Variants in NEMF observed in about 807,000 individuals in gnomAD.
NEMF encodes the protein ribosome quality control complex subunit NEMF.
A neutral mutation model predicts 162.2 loss-of-function variants in NEMF; 89 were observed. The observed-to-expected ratio is 0.55, with a 90% CI of 0.46 to 0.65. NEMF has a LOEUF of 0.65. Ranked by LOEUF, NEMF falls within the 30% of genes least tolerant of loss-of-function variation. The pLI, the probability that NEMF is intolerant of heterozygous loss-of-function variation, is 0.00. For synonymous variants in NEMF, 421 were observed against 404.5 expected, an observed-to-expected ratio of 1.04 and a Z score of -0.49; for missense variants, 1,133 against 1,261.9, an observed-to-expected ratio of 0.90 and a Z score of 1.55.
At chr14:49,784,894 T>C (rs1890089160) in intron 32 of NEMF, 31 bp downstream of exon 32, 1 of 1,568,680 alleles carries the variant, frequency 6.4e-7, no homozygotes, top group Admixed American at 1.7e-5. Context: ...ACTGTCAGTC[T>C]CCACATTCCT....
chr14:49,791,792 C>T (rs1422789442), intron 26 of NEMF, among the ~76,000 whole-genome samples: 2 of 150,012 alleles, frequency 1.3e-5, no homozygotes, highest in African/African-American at 4.9e-5. Context: ...CATTTTACTA[C>T]TATGTACACT....
chr14:49,844,352 G>A (rs963094980), intron 4 of NEMF, among the ~76,000 whole-genome samples: 3 of 152,210 alleles, frequency 2.0e-5, no homozygotes, highest in African/African-American at 7.2e-5. Context: ...TGATCTGACA[G>A]GAGGCAGAGC....
chr14:49,802,648 A>T, intron 21 of NEMF, 21 bp downstream of exon 21: 1 of 1,611,036 alleles, frequency 6.2e-7, no homozygotes, highest in Non-Finnish European at 8.5e-7. Flanking sequence ...ACAAATAAAT[A>T]ACCAAGAAGT....
chr14:49,801,810 T>G (rs1890968729), intron 22 of NEMF, among the ~76,000 whole-genome samples: 1 of 152,204 alleles, frequency 6.6e-6, no homozygotes, highest in South Asian at 2.1e-4. Flanking sequence ...CTATCACTTG[T>G]AATTCCTAAA....
intron 10 of NEMF, 148 bp downstream of exon 10, chr14:49,831,903 C>A: frequency 1.7e-6 from 1 of 588,672 alleles, no homozygotes; most frequent in South Asian, 2.4e-5. Context: ...TTTCCAACAG[C>A]TGTATCTGTG....
rs1471480463 is a variant in NEMF, at chr14:49,785,323, A to G, written c.2929-3T>C. The stretch of plus-strand genomic sequence containing the variant: ...GTCAAAGAATCAAATAGGTTTTCCT[A>G]AAAAGGGAAAATAACAGTTACAAAG... On this transcript the variant is annotated splice_polypyrimidine_tract_variant and splice_region_variant and intron_variant, in intron 29 of 32. Coordinates refer to ENST00000298310, the MANE Select transcript of NEMF (RefSeq NM_004713.6). 1.9e-6 allele frequency: 3 copies of G among 1,608,446 alleles called. No individual in the cohort carries two copies. Among genetic ancestry groups the G allele is most frequent in the Non-Finnish European group, 2.6e-6 (3 of 1,174,922 alleles).
chr14:49,828,211 T>C, intron 15 of NEMF, 80 bp downstream of exon 15: 1 of 1,001,790 alleles, frequency 1.0e-6, no homozygotes, highest in South Asian at 1.3e-5. Context: ...GAAAACCTCA[T>C]TTAAACAGAA....
chr14:49,838,648 G>C (rs529107627), intron 5 of NEMF, among the ~76,000 whole-genome samples: 47 of 146,980 alleles, frequency 3.2e-4, no homozygotes, highest in African/African-American at 1.2e-3. Flanking sequence ...ACAGTGGCAC[G>C]ATCTCGGCTC....
Position 49,789,583 on chromosome 14 carries a change from CAGAAGATTTTGGTTGGAAAT to C in NEMF, c.2620-30_2620-11del. The C allele has an allele frequency of 6.2e-7, 1 of 1,602,332 alleles. No homozygotes were observed. The highest frequency in any genetic ancestry group is 8.5e-7 in the Non-Finnish European group (1 of 1,177,518). On this transcript the variant is annotated splice_polypyrimidine_tract_variant and intron_variant, in intron 26 of 32. Transcript: ENST00000298310. ...TTTTTTTCATTTTACTCTACAAAAT[CAGAAGATTTTGGTTGGAAAT>C]ATTCAGCAGCAAAAAAATGTCAACA...
intron 18 of NEMF, 121 bp from the exon 19 acceptor site, chr14:49,806,254 A>ATTTTT (rs1382049259): frequency 6.0e-5 from 1 of 16,556 alleles, no homozygotes; most frequent in African/African-American, 2.1e-4. Context: ...ATATATATAT[A>ATTTTT]TATTTTTTTT....
At chr14:49,809,142 C>T (rs1891353915) in intron 18 of NEMF, among the ~76,000 whole-genome samples, 1 of 152,180 alleles carries the variant, frequency 6.6e-6, no homozygotes, top group Non-Finnish European at 1.5e-5. Context: ...ACTAAAAATA[C>T]TCTTACCATG....
intron 29 of NEMF, 58 bp from the exon 30 acceptor site, chr14:49,785,378 C>T (rs1218905125): frequency 8.8e-7 from 1 of 1,140,316 alleles, no homozygotes; most frequent in Non-Finnish European, 1.3e-6. Context: ...ACAAAAAATG[C>T]TAAAACACTT....
intron 26 of NEMF, among the ~76,000 whole-genome samples, chr14:49,791,155 T>G (rs1414211381): frequency 6.9e-6 from 1 of 144,346 alleles, no homozygotes; most frequent in Non-Finnish European, 1.5e-5. Flanking sequence ...CCAACATAAG[T>G]GAAACCCCGT....
chr14:49,808,005 T>C (rs1461249562), intron 18 of NEMF, among the ~76,000 whole-genome samples: 1 of 152,154 alleles, frequency 6.6e-6, no homozygotes, highest in Admixed American at 6.6e-5. Flanking sequence ...GAAATATCCA[T>C]TCAAATCTCT....
At chr14:49,833,572 A>T in intron 7 of NEMF, 76 bp from the exon 8 acceptor site, 1 of 877,122 alleles carries the variant, frequency 1.1e-6, no homozygotes, top group Non-Finnish European at 1.7e-6. Flanking sequence ...AACTATGTAG[A>T]AAAACAGGAA....
At chr14:49,833,815 TAC>T (rs781289311) in intron 7 of NEMF, among the ~76,000 whole-genome samples, 37 of 152,232 alleles carry the variant, frequency 2.4e-4, no homozygotes, top group African/African-American at 3.1e-4. Context: ...TCCAAAAACT[TAC>T]AGTTTTAATT....
chr14:49,804,318 G>T (rs1354046376), intron 19 of NEMF, among the ~76,000 whole-genome samples: 1 of 152,022 alleles, frequency 6.6e-6, no homozygotes, highest in Non-Finnish European at 1.5e-5. Context: ...ATATGAAATA[G>T]CAGATTTTTA....
chr14:49,789,175 A>C lies in NEMF; in HGVS notation c.2866T>G (p.Phe956Val), dbSNP rs1385688865. The part of the protein sequence containing the change: ...LEVITHELQD[F>V]AVDDPHDDKE... Reference sequence around the variant, plus strand: ...TCATCATGTGGATCATCTACAGCAAAGTCTTGTAACTCATGAGTTATAACC... The same window carrying C: ...TCATCATGTGGATCATCTACAGCAACGTCTTGTAACTCATGAGTTATAACC... Residue 956 changes from phenylalanine (F) to valine (V), a missense_variant, in exon 28 of 33, where the codon TTT becomes GTT. This residue lies in a region of NEMF where 532 missense variants were observed against 578.6 expected (regional missense o/e 0.92). Coordinates refer to ENST00000298310, the MANE Select transcript of NEMF (RefSeq NM_004713.6). 34 of 1,613,872 alleles carry C rather than the reference A, an allele frequency of 2.1e-5. No homozygotes were observed. Among genetic ancestry groups the C allele is most frequent in the Non-Finnish European group, 2.7e-5 (32 of 1,179,974 alleles).
chr14:49,829,523 A>G, intron 11 of NEMF, 97 bp from the exon 12 acceptor site: 1 of 992,068 alleles, frequency 1.0e-6, no homozygotes, highest in Non-Finnish European at 1.5e-6. Flanking sequence ...GACCCCATCT[A>G]TGCTGTTATC....
Sources: gnomAD v4.1 joint callset for allele counts (sites outside exome capture counted in the v4.1 genomes callset) on GRCh38, gnomAD v4.1.1 for gene constraint, gnomAD v4.1.1 regional missense constraint, MANE v1.5 for transcripts, NCBI Gene and HGNC (gene_info 2026-07-23, HGNC 2026-07-21) for gene names.